The following KLF7 variants were observed in gnomAD, a reference collection of about 807,000 sequenced individuals.
The protein encoded by KLF7 is Krueppel-like factor 7.
Under a neutral mutation model 27.3 loss-of-function variants are expected in KLF7, and 2 were observed. The ratio of observed to expected loss-of-function variants is 0.07; its 90% CI spans 0.03 to 0.23. KLF7 has a LOEUF of 0.23. Among genes scored for constraint, KLF7 ranks in the 10% least tolerant of loss-of-function variants. KLF7 has a pLI of 1.00. For missense variants in KLF7, 221 were observed against 394.1 expected (o/e 0.56, Z 3.72); for synonymous variants, 165 against 162.4 (o/e 1.02, Z -0.12).
chr2:207,136,407 C>T (rs971481335), intron 1 of KLF7, among the ~76,000 whole-genome samples: 22 of 152,068 alleles, frequency 1.4e-4, no homozygotes, highest in Admixed American at 4.6e-4. Flanking sequence ...TAACTCCGTC[C>T]GCATCCCAGA....
chr2:207,166,239 G>C, upstream of KLF7: 1 of 944,984 alleles, frequency 1.1e-6, no homozygotes, highest in Middle Eastern at 5.4e-4. Flanking sequence ...CCAATGGGGA[G>C]CCCGGAGCAG....
chr2:207,135,087 A>C (rs910350165), intron 1 of KLF7, among the ~76,000 whole-genome samples: 1 of 152,226 alleles, frequency 6.6e-6, no homozygotes, highest in African/African-American at 2.4e-5. Flanking sequence ...TAAAAGTTTA[A>C]GTAAGCAGGG....
intron 3 of KLF7, 127 bp from the exon 4 acceptor site, chr2:207,081,391 A>G: frequency 1.2e-6 from 1 of 844,764 alleles, no homozygotes; most frequent in Non-Finnish European, 2.0e-6. Context: ...AAACAGGGCC[A>G]TGTGTTGGGA....
At chr2:207,144,945 T>A (rs1048314995) in intron 1 of KLF7, among the ~76,000 whole-genome samples, 1 of 152,154 alleles carries the variant, frequency 6.6e-6, no homozygotes, top group Non-Finnish European at 1.5e-5. Flanking sequence ...CCAGAAAGGT[T>A]TTTTTCCCCT....
intron 1 of KLF7, among the ~76,000 whole-genome samples, chr2:207,149,609 G>T (rs1311913195): frequency 6.6e-6 from 1 of 152,164 alleles, no homozygotes; most frequent in Non-Finnish European, 1.5e-5. Context: ...TCTAGGTAAG[G>T]CAGTATGAGA....
chr2:207,165,231 T>C (rs1030359462), intron 1 of KLF7, among the ~76,000 whole-genome samples: 2 of 152,080 alleles, frequency 1.3e-5, no homozygotes, highest in Non-Finnish European at 2.9e-5. Flanking sequence ...TGTTGGCGAC[T>C]GAAACGCAGG....
intron 2 of KLF7, among the ~76,000 whole-genome samples, chr2:207,113,613 G>C (rs952502146): frequency 3.1e-5 from 4 of 130,526 alleles, no homozygotes; most frequent in South Asian, 3.2e-4. Context: ...GGGGTGGGGG[G>C]GGGGGGGAAA....
chr2:207,118,663 T>C (rs1172558609), intron 2 of KLF7, among the ~76,000 whole-genome samples: 1 of 152,210 alleles, frequency 6.6e-6, no homozygotes, highest in Non-Finnish European at 1.5e-5. Context: ...CTGGGTCTCA[T>C]TTTCCTCATC....
At chr2:207,166,130 G>A (rs1421682705), upstream of KLF7, 6 of 980,454 alleles carry the variant, frequency 6.1e-6, no homozygotes, top group South Asian at 4.7e-5. Flanking sequence ...CCCTCCCTCC[G>A]TTCGGTTCTC....
rs2078692611 is a variant in KLF7 at position 207,165,850 on chromosome 2, C to G, written c.-282G>C. 1 of 1,287,046 alleles carries G rather than the reference C, an allele frequency of 7.8e-7. No homozygotes were observed. The highest frequency in any genetic ancestry group is 9.9e-7 in the Non-Finnish European group (1 of 1,011,190). The allele number at this position is 1,287,046 out of a possible 1,614,324, so 79.7% of individuals were successfully genotyped here. On this transcript the variant is annotated 5_prime_UTR_variant, in exon 1 of 4. Coordinates refer to ENST00000309446, the MANE Select transcript of KLF7 (RefSeq NM_003709.4). ...AAAGGGGACTTCTCCACGGGAGTAA[C>G]AATTCCCTTCCAGGGCTCTAATCAC...
intron 2 of KLF7, among the ~76,000 whole-genome samples, chr2:207,113,670 C>A (rs189617775): frequency 6.7e-6 from 1 of 148,520 alleles, no homozygotes; most frequent in African/African-American, 2.5e-5. Flanking sequence ...AGCTGTGTAG[C>A]AGGCCCAGGC....
In KLF7 at chr2:207,124,308, G is replaced by A; in HGVS notation, c.199C>T (p.Pro67Ser). Residue 67 changes from proline to serine, a missense_variant, in exon 2 of 4, where the codon CCC (proline) becomes TCC (serine). Transcript: ENST00000309446. ...CGGAAGCTTTCCTCAATGCACGGGG[G>A]AGGGGAAGCGTGGAGGAAACAGTCC... The part of the protein sequence containing the change: ...DLDCFLHASP[P>S]PCIEESFRRL... The A allele has an allele frequency of 6.2e-7, 1 of 1,613,446 alleles. No homozygotes were observed. Among genetic ancestry groups the A allele is most frequent in the Non-Finnish European group, 8.5e-7 (1 of 1,179,438 alleles).
chr2:207,134,060 C>T (rs533542619), intron 1 of KLF7: 3 of 1,535,242 alleles, frequency 2.0e-6, no homozygotes, highest in African/African-American at 2.7e-5. Flanking sequence ...GGCCCCTTTA[C>T]ACTCACTGGC....
chr2:207,090,599 G>A lies in KLF7; in HGVS notation c.734-2018C>T, dbSNP rs757939596. 7.2e-5 allele frequency among the ~76,000 whole-genome samples: 11 copies of A among 152,152 alleles called. No homozygotes were observed. The East Asian group carries it at 1.2e-3, about 16-fold the overall frequency. ...TACTAGGAAGACAGGCCCTGAAATC[G>A]CTGTCAATAAAATCCTTCAGAGCTC... On this transcript the variant is annotated intron_variant, in intron 2 of 3. Coordinates refer to ENST00000309446, the MANE Select transcript of KLF7 (RefSeq NM_003709.4).
At chr2:207,097,701 T>C (rs990942849) in intron 2 of KLF7, among the ~76,000 whole-genome samples, 4 of 152,234 alleles carry the variant, frequency 2.6e-5, no homozygotes, top group Admixed American at 2.0e-4. Context: ...GTGTTGGTCA[T>C]GAAAATTACT....
At chr2:207,164,140 C>T (rs2078629872) in intron 1 of KLF7, among the ~76,000 whole-genome samples, 1 of 152,226 alleles carries the variant, frequency 6.6e-6, no homozygotes, top group Admixed American at 6.5e-5. Flanking sequence ...TGCCACTCGG[C>T]TCCTTATACC....
At chr2:207,144,628 T>C (rs2078044674) in intron 1 of KLF7, among the ~76,000 whole-genome samples, 1 of 152,170 alleles carries the variant, frequency 6.6e-6, no homozygotes, top group East Asian at 1.9e-4. Context: ...CCCCTTTCTT[T>C]GAAGATCTGT....
At chr2:207,115,488 G>T (rs1217456869) in intron 2 of KLF7, among the ~76,000 whole-genome samples, 1 of 152,196 alleles carries the variant, frequency 6.6e-6, no homozygotes, top group African/African-American at 2.4e-5. Context: ...GACACTGCAG[G>T]AGTGAGAAGT....
rs1388531771 is a variant in KLF7 at position 207,107,099 on chromosome 2, T to C, written c.733+16675A>G. On this transcript the variant is annotated intron_variant, in intron 2 of 3. Transcript: ENST00000309446. ...TTCTCTTCCACTCCAGCCACGTCAA[T>C]ACCTGCCCCGTAGGAAGGGATATCG... 2.0e-5 allele frequency among the ~76,000 whole-genome samples: 3 copies of C among 152,152 alleles called. No individual in the cohort carries two copies. In the East Asian group the frequency reaches 5.8e-4, roughly 29 times the overall value.
Sources: allele counts gnomAD v4.1 joint callset (sites outside exome capture counted in the v4.1 genomes callset), GRCh38; gene constraint gnomAD v4.1.1; transcripts MANE v1.5; gene names NCBI Gene and HGNC (gene_info 2026-07-23, HGNC 2026-07-21).